POLR3G: variants seen among roughly 807,000 people sequenced by gnomAD.
The protein encoded by POLR3G is DNA-directed RNA polymerase III subunit RPC7.
Under a neutral mutation model 30.1 loss-of-function variants are expected in POLR3G, and 28 were observed. That is an observed-to-expected ratio of 0.93 (90% confidence interval 0.69 to 1.27). The LOEUF is 1.27. Among genes scored for constraint, POLR3G ranks in the 50% most tolerant of loss-of-function variants. POLR3G has a pLI of 0.00. For missense variants in POLR3G, 254 were observed against 264.6 expected (o/e 0.96, Z 0.28); for synonymous variants, 79 against 82.5 (o/e 0.96, Z 0.23).
At position 90,504,618 on chromosome 5, in the gene POLR3G, T is replaced by C. The variant is rs544826810; in HGVS notation, c.439-1910T>C. ...GTTTAAATAACTGTGTTCTTAATTA[T>C]AAAAATAAAATAATAGCATGTTTTT... On this transcript the variant is annotated intron_variant, in intron 6 of 7. Coordinates refer to ENST00000651687, the MANE Select transcript of POLR3G (RefSeq NM_006467.3). Among the ~76,000 whole-genome samples, 15 of 152,112 alleles carry C rather than the reference T, an allele frequency of 9.9e-5. No individual in the cohort carries two copies. The East Asian group carries it at 2.7e-3, about 27-fold the overall frequency.
rs1172474118 is a variant in POLR3G, at chr5:90,484,296, C to T, written c.-43-1229C>T. On this transcript the variant is annotated intron_variant, in intron 1 of 7. Coordinates refer to ENST00000651687, the MANE Select transcript of POLR3G (RefSeq NM_006467.3). Reference sequence around the variant, plus strand: ...TTCTGAGTGATGCTGCTGCAGACAGCACTCTTTGAGAACCATTGCTCTAGT... The same window carrying T: ...TTCTGAGTGATGCTGCTGCAGACAGTACTCTTTGAGAACCATTGCTCTAGT... Among the ~76,000 whole-genome samples, 5 of 152,166 alleles carry T rather than the reference C, an allele frequency of 3.3e-5. No homozygotes were observed. The South Asian group carries it at 1.0e-3, about 32-fold the overall frequency.
At chr5:90,483,568 G>T (rs987677179) in intron 1 of POLR3G, among the ~76,000 whole-genome samples, 26 of 152,232 alleles carry the variant, frequency 1.7e-4, no homozygotes, top group Admixed American at 1.6e-3. Flanking sequence ...ACTTTGGAAG[G>T]CCGAGGCAGG....
At chr5:90,475,090 A>G (rs1750725368) in intron 1 of POLR3G, 70 bp downstream of exon 1, 2 of 152,348 alleles carry the variant, frequency 1.3e-5, no homozygotes, top group South Asian at 4.1e-4. Context: ...GGGCACGTGG[A>G]AAAGGTGAGG....
intron 2 of POLR3G, among the ~76,000 whole-genome samples, chr5:90,487,575 T>C (rs1175035025): frequency 6.6e-6 from 1 of 151,778 alleles, no homozygotes; most frequent in East Asian, 1.9e-4. Context: ...GTATTTTTAA[T>C]GGAGACAGGG....
rs1301578101 is a variant in POLR3G, at chr5:90,512,059, GACT to G, written c.595_597del (p.Tyr199del). 1.9e-6 allele frequency: 3 copies of G among 1,594,340 alleles called. No individual in the cohort carries two copies. The highest frequency in any genetic ancestry group is 2.6e-6 in the Non-Finnish European group (3 of 1,162,386). Reference sequence around the variant, plus strand: ...AATATATCATTTCACTTAGGAAAATGACTACATTAATTCATACTTTGAAGATGG... The same window carrying G: ...AATATATCATTTCACTTAGGAAAATGACATTAATTCATACTTTGAAGATGG... On this transcript the variant is annotated inframe_deletion, in exon 8 of 8. Coordinates refer to ENST00000651687, the MANE Select transcript of POLR3G (RefSeq NM_006467.3).
intron 3 of POLR3G, among the ~76,000 whole-genome samples, chr5:90,495,188 C>A (rs1751923864): frequency 6.6e-6 from 1 of 152,128 alleles, no homozygotes; most frequent in African/African-American, 2.4e-5. Flanking sequence ...ATATTTGGTC[C>A]TTGATTTTTA....
chr5:90,488,754 A>T (rs1038914845), intron 3 of POLR3G, among the ~76,000 whole-genome samples: 3 of 152,058 alleles, frequency 2.0e-5, no homozygotes, highest in African/African-American at 7.3e-5. Flanking sequence ...TTGAGACTTA[A>T]TTTTGTTTGG....
In POLR3G at chr5:90,512,370, C is replaced by T. The variant is rs1242303785; in HGVS notation, c.*231C>T. On this transcript the variant is annotated 3_prime_UTR_variant, in exon 8 of 8. Coordinates refer to ENST00000651687, the MANE Select transcript of POLR3G (RefSeq NM_006467.3). ...ACACCTCTGCCATCTCTCTTATGTACTCTCATGGGTTTTTTTGTATGATTT... is the reference window on the plus strand; with the variant it reads ...ACACCTCTGCCATCTCTCTTATGTATTCTCATGGGTTTTTTTGTATGATTT... The T allele has an allele frequency of 7.2e-6, 3 of 416,632 alleles. No individual in the cohort carries two copies. Among genetic ancestry groups the T allele is most frequent in the Admixed American group, 3.6e-5 (1 of 27,540 alleles). The allele number at this position is 416,632 out of a possible 1,614,324, so 25.8% of individuals were successfully genotyped here.
intron 3 of POLR3G, among the ~76,000 whole-genome samples, chr5:90,490,228 ACTTTAT>A: frequency 6.7e-6 from 1 of 150,232 alleles, no homozygotes; most frequent in South Asian, 2.1e-4. Context: ...ATTAAGGGGC[ACTTTAT>A]CTTTGATAAC....
At chr5:90,505,650 C>T (rs1049027670) in intron 6 of POLR3G, among the ~76,000 whole-genome samples, 3 of 152,096 alleles carry the variant, frequency 2.0e-5, no homozygotes, top group Non-Finnish European at 4.4e-5. Context: ...TAATTTCTCT[C>T]TTTCTTCTCA....
chr5:90,475,673 C>A (rs1750770775), intron 1 of POLR3G, among the ~76,000 whole-genome samples: 1 of 152,052 alleles, frequency 6.6e-6, no homozygotes, highest in Non-Finnish European at 1.5e-5. Flanking sequence ...ACTGTCTCCA[C>A]TCCCCGCTTC....
chr5:90,483,733 G>T (rs1387227429), intron 1 of POLR3G, among the ~76,000 whole-genome samples: 2 of 151,914 alleles, frequency 1.3e-5, no homozygotes, highest in Non-Finnish European at 2.9e-5. Flanking sequence ...AGGGAGGGAG[G>T]TTGCAGTGAA....
intron 4 of POLR3G, among the ~76,000 whole-genome samples, chr5:90,496,294 G>T (rs1397811477): frequency 6.6e-6 from 1 of 152,110 alleles, no homozygotes; most frequent in African/African-American, 2.4e-5. Context: ...TACAAAAATA[G>T]GACAGGCCAA....
intron 3 of POLR3G, 73 bp from the exon 4 acceptor site, chr5:90,495,604 T>C (rs1751943699): frequency 5.2e-6 from 8 of 1,550,998 alleles, no homozygotes; most frequent in African/African-American, 1.4e-5. Flanking sequence ...TTTTCAATAA[T>C]CTTAAAGGAA....
At chr5:90,510,268 C>T (rs541878765) in intron 7 of POLR3G, among the ~76,000 whole-genome samples, 1 of 152,144 alleles carries the variant, frequency 6.6e-6, no homozygotes, top group East Asian at 1.9e-4. Flanking sequence ...GTCCCGGCTA[C>T]TCGGGAGGCT....
At chr5:90,502,123 A>T in intron 6 of POLR3G, 135 bp downstream of exon 6, 1 of 1,450,582 alleles carries the variant, frequency 6.9e-7, no homozygotes, top group Non-Finnish European at 9.0e-7. Flanking sequence ...CCCAACATAT[A>T]AGGTAACTGG....
At chr5:90,496,513 A>G (rs1278413470) in intron 4 of POLR3G, among the ~76,000 whole-genome samples, 1 of 152,220 alleles carries the variant, frequency 6.6e-6, no homozygotes, top group Non-Finnish European at 1.5e-5. Flanking sequence ...GGCTTCTTCA[A>G]AAGAACCATA....
At chr5:90,498,560 AT>A (rs1752099001) in intron 5 of POLR3G, among the ~76,000 whole-genome samples, 1 of 152,130 alleles carries the variant, frequency 6.6e-6, no homozygotes, top group African/African-American at 2.4e-5. Context: ...TTCACTTAGG[AT>A]TTTCCTTTAG....
At chr5:90,488,683 T>C (rs1479183747) in intron 3 of POLR3G, among the ~76,000 whole-genome samples, 2 of 152,222 alleles carry the variant, frequency 1.3e-5, no homozygotes, top group African/African-American at 4.8e-5. Flanking sequence ...GTGATTGTTA[T>C]CATTATACAT....
Sources: gnomAD v4.1 joint callset for allele counts (sites outside exome capture counted in the v4.1 genomes callset) on GRCh38, gnomAD v4.1.1 for gene constraint, MANE v1.5 for transcripts, NCBI Gene and HGNC (gene_info 2026-07-23, HGNC 2026-07-21) for gene names.